PIK3CD: variants seen among roughly 807,000 people sequenced by gnomAD.
The protein encoded by PIK3CD is phosphatidylinositol-4,5-bisphosphate 3-kinase catalytic subunit delta, also known as phosphatidylinositol 4,5-bisphosphate 3-kinase catalytic subunit delta isoform.
A neutral mutation model predicts 122.9 loss-of-function variants in PIK3CD; 20 were observed. That is an observed-to-expected ratio of 0.16 (90% CI 0.11 to 0.24). The LOEUF (loss-of-function observed/expected upper bound fraction) is 0.24. PIK3CD is among the 10% of genes least tolerant of loss of function. PIK3CD has a pLI of 1.00. For missense variants in PIK3CD, 787 were observed against 1,406.3 expected (o/e 0.56, Z 7.04); for synonymous variants, 596 against 593.4 (o/e 1.00, Z -0.06).
Position 9,727,248 on chromosome 1 carries a change from C to A in PIK3CD, c.*202C>A. ...CAGCCATAAACGGAAACGCCTCCTT[C>A]ATGCAGCGGCGGTGCTGGGCCCCCC... On this transcript the variant is annotated 3_prime_UTR_variant, in exon 24 of 24. Coordinates refer to ENST00000377346, the MANE Select transcript of PIK3CD (RefSeq NM_005026.5). 1 of 641,508 alleles carries A rather than the reference C, an allele frequency of 1.6e-6. No individual in the cohort carries two copies. The highest frequency in any genetic ancestry group is 2.8e-5 in the East Asian group (1 of 35,538). The allele number at this position is 641,508 out of a possible 1,614,324, so 39.7% of individuals were successfully genotyped here. A position where few individuals can be genotyped will look rare whatever the true frequency, so the allele number is the denominator to read the frequency against.
At chr1:9,684,824 T>A (rs1645903021) in intron 1 of PIK3CD, among the ~76,000 whole-genome samples, 1 of 136,822 alleles carries the variant, frequency 7.3e-6, no homozygotes. Context: ...CCAGCCTGGG[T>A]CACAGTGTGA....
At chr1:9,701,976 A>G (rs1646649180) in intron 2 of PIK3CD, among the ~76,000 whole-genome samples, 4 of 151,288 alleles carry the variant, frequency 2.6e-5, no homozygotes, top group Admixed American at 2.6e-4. Flanking sequence ...CCCTGTCTGT[A>G]GCATCTTGTT....
chr1:9,641,922 G>C, the PIK3CD span, among the ~76,000 whole-genome samples: 1 of 151,978 alleles, frequency 6.6e-6, no homozygotes, highest in African/African-American at 2.4e-5. Context: ...TCAACTTCAC[G>C]TGATCCAGGG....
At chr1:9,701,531 G>C (rs1646629480) in intron 2 of PIK3CD, among the ~76,000 whole-genome samples, 2 of 152,052 alleles carry the variant, frequency 1.3e-5, no homozygotes, top group African/African-American at 4.8e-5. Context: ...AAATCAGCCA[G>C]GCACAGTGGC....
At chr1:9,691,744 C>T (rs1005964814) in intron 2 of PIK3CD, 173 bp downstream of exon 2, 9 of 383,592 alleles carry the variant, frequency 2.3e-5, no homozygotes, top group Admixed American at 4.5e-5. Flanking sequence ...GTGCTAGGAG[C>T]GAATGAATGG....
chr1:9,637,642 T>C, the PIK3CD span, among the ~76,000 whole-genome samples: 1 of 152,132 alleles, frequency 6.6e-6, no homozygotes, highest in Non-Finnish European at 1.5e-5. Flanking sequence ...CTTCCTAGCC[T>C]CTTCCACCTT....
the PIK3CD span, among the ~76,000 whole-genome samples, chr1:9,633,150 C>T: frequency 4.1e-3 from 625 of 152,206 alleles, 5 homozygotes; most frequent in African/African-American, 0.014. Flanking sequence ...CGTGAGCCAC[C>T]GTGCCTGATC....
Position 9,724,754 on chromosome 1 carries a change from C to T in PIK3CD, c.2865-50C>T. 1.2e-6 allele frequency: 2 copies of T among 1,611,316 alleles called. No homozygotes were observed. The highest frequency in any genetic ancestry group is 1.3e-5 in the African/African-American group (1 of 74,988). On this transcript the variant is annotated intron_variant, in intron 22 of 23. Transcript: ENST00000377346. The surrounding 1 kb of genome is among the most constrained non-coding windows in gnomAD (Gnocchi z 7.3). ...GTTGGATGCAGAGCGGCCCTCTGGC[C>T]TGTGGCTGGGAGTTCCCAGAGCCTC...
intron 1 of PIK3CD, among the ~76,000 whole-genome samples, chr1:9,682,059 A>C (rs937300939): frequency 4.6e-5 from 7 of 152,088 alleles, no homozygotes; most frequent in African/African-American, 1.4e-4. Flanking sequence ...CAGCCTCCTG[A>C]GTAGCTGGGA....
intron 1 of PIK3CD, among the ~76,000 whole-genome samples, chr1:9,674,677 A>G (rs1187788948): frequency 6.9e-6 from 1 of 145,090 alleles, no homozygotes; most frequent in Non-Finnish European, 1.5e-5. Context: ...TGGGCGACAG[A>G]GCGAGACTCC....
chr1:9,638,713 C>A, the PIK3CD span, among the ~76,000 whole-genome samples: 3 of 114,772 alleles, frequency 2.6e-5, no homozygotes, highest in Admixed American at 2.3e-4. Flanking sequence ...GCCTGGGTGA[C>A]AGAGCGAGAC....
the PIK3CD span, among the ~76,000 whole-genome samples, chr1:9,636,209 G>C: frequency 6.6e-6 from 1 of 151,958 alleles, no homozygotes; most frequent in Non-Finnish European, 1.5e-5. Context: ...ATTTTTTTGG[G>C]GGGGGACATG....
intron 2 of PIK3CD, among the ~76,000 whole-genome samples, chr1:9,705,661 A>G (rs1300046825): frequency 6.6e-6 from 1 of 152,258 alleles, no homozygotes; most frequent in East Asian, 1.9e-4. Context: ...AGCATTAAAA[A>G]AGATTAAGTA....
the PIK3CD span, among the ~76,000 whole-genome samples, chr1:9,638,308 A>G: frequency 1.3e-5 from 2 of 152,018 alleles, no homozygotes; most frequent in Non-Finnish European, 2.9e-5. Context: ...TGCTGAGGGC[A>G]GTTCCAAAAT....
chr1:9,659,364 C>A (rs1201948574), intron 1 of PIK3CD, among the ~76,000 whole-genome samples: 1 of 152,152 alleles, frequency 6.6e-6, no homozygotes, highest in African/African-American at 2.4e-5. Flanking sequence ...TGCTTTTTAT[C>A]TTAATTTTCA....
intron 23 of PIK3CD, among the ~76,000 whole-genome samples, chr1:9,725,586 A>G (rs990932514): frequency 1.3e-4 from 20 of 150,688 alleles, no homozygotes; most frequent in African/African-American, 3.4e-4. Context: ...ATAAAAAAAG[A>G]TATTTTTCCA....
At chr1:9,644,044 A>G in the PIK3CD span, among the ~76,000 whole-genome samples, 2 of 152,242 alleles carry the variant, frequency 1.3e-5, no homozygotes, top group African/African-American at 4.8e-5. Flanking sequence ...CTGGGTGCTC[A>G]GAGTGGCTGC....
chr1:9,641,958 G>A, the PIK3CD span, among the ~76,000 whole-genome samples: 1 of 152,084 alleles, frequency 6.6e-6, no homozygotes, highest in African/African-American at 2.4e-5. Flanking sequence ...TGTGTTGACT[G>A]GAACCTACAG....
chr1:9,699,755 A>AT (rs1646558005), intron 2 of PIK3CD, among the ~76,000 whole-genome samples: 2 of 151,892 alleles, frequency 1.3e-5, no homozygotes, highest in South Asian at 4.2e-4. Context: ...CGCCTGGCTA[A>AT]TTTTTTTGTA....
Sources: gnomAD v4.1 joint callset for allele counts (sites outside exome capture counted in the v4.1 genomes callset) on GRCh38, gnomAD v4.1.1 for gene constraint, Gnocchi (gnomAD v3.1) non-coding constraint, MANE v1.5 for transcripts, NCBI Gene and HGNC (gene_info 2026-07-23, HGNC 2026-07-21) for gene names.